The following SRGAP3 variants were observed in gnomAD, a reference collection of about 807,000 sequenced individuals.
SRGAP3 encodes the protein SLIT-ROBO Rho GTPase activating protein 3.
In SRGAP3, 39 loss-of-function variants were observed where a neutral mutation model predicts 121.1. The observed-to-expected ratio is 0.32, with a 90% CI of 0.25 to 0.42. SRGAP3 has a LOEUF of 0.42. SRGAP3 is among the 10% of genes least tolerant of loss of function. The pLI is 1.00. For missense variants in SRGAP3, 1,213 were observed against 1,470.6 expected (o/e 0.82, Z 2.86); for synonymous variants, 601 against 570.0 (o/e 1.05, Z -0.77).
chr3:9,359,221 C>A (rs545246437), intron 1 of SRGAP3, among the ~76,000 whole-genome samples: 2 of 152,288 alleles, frequency 1.3e-5, no homozygotes, highest in East Asian at 3.9e-4. Flanking sequence ...AGGGTCCGTT[C>A]AGGTACATTC....
intron 3 of SRGAP3, among the ~76,000 whole-genome samples, chr3:9,266,346 A>C (rs550227008): frequency 6.6e-6 from 1 of 152,102 alleles, no homozygotes; most frequent in African/African-American, 2.4e-5. Flanking sequence ...TGTTCTGCAC[A>C]TGTATCCCAG....
At chr3:9,303,408 G>C (rs1030767132) in intron 3 of SRGAP3, among the ~76,000 whole-genome samples, 1 of 148,648 alleles carries the variant, frequency 6.7e-6, no homozygotes, top group Non-Finnish European at 1.5e-5. Context: ...CTGGGCGACA[G>C]AGTGAGACTC....
Position 9,104,671 on chromosome 3 carries a change from C to T in SRGAP3, c.423+9G>A. 2 of 1,614,076 alleles carry T rather than the reference C, an allele frequency of 1.2e-6. No homozygotes were observed. The highest frequency in any genetic ancestry group is 2.2e-5 in the South Asian group (2 of 91,056). ...GACCTGGGACACGTAGAGCAGCCCA[C>T]TTGCCTACCTTTTTGAAGAGTCTGA... On this transcript the variant is annotated intron_variant, in intron 3 of 21. Coordinates refer to ENST00000383836, the MANE Select transcript of SRGAP3 (RefSeq NM_014850.4).
Position 8,984,279 on chromosome 3 carries a change from C to T in SRGAP3, c.*1240G>A, listed in dbSNP as rs1941565555. On this transcript the variant is annotated 3_prime_UTR_variant, in exon 22 of 22. Transcript: ENST00000383836. ...AGTGCCAAGGACTGCCCCTCCCTGGCCCCAGTCTGAACTGGGCGCTCACGG... is the reference window on the plus strand; with the variant it reads ...AGTGCCAAGGACTGCCCCTCCCTGGTCCCAGTCTGAACTGGGCGCTCACGG... 1 of 230,046 alleles carries T rather than the reference C, an allele frequency of 4.3e-6. No homozygotes were observed. Among genetic ancestry groups the T allele is most frequent in the Non-Finnish European group, 8.6e-6 (1 of 116,020 alleles). The allele number at this position is 230,046 out of a possible 1,614,324, so 14.3% of individuals were successfully genotyped here.
chr3:9,098,034 T>C (rs992951315), intron 3 of SRGAP3, among the ~76,000 whole-genome samples: 3 of 152,176 alleles, frequency 2.0e-5, no homozygotes, highest in African/African-American at 7.2e-5. Context: ...ACCCTGGTGA[T>C]AGATCCTAAT....
At chr3:9,241,441 T>C (rs1357977675) in intron 1 of SRGAP3, among the ~76,000 whole-genome samples, 1 of 152,322 alleles carries the variant, frequency 6.6e-6, no homozygotes, top group Admixed American at 6.5e-5. Flanking sequence ...GGGAGGGGCC[T>C]GGAAGGAAGT....
At chr3:9,049,532 C>T (rs1433726481) in intron 9 of SRGAP3, 1 of 455,586 alleles carries the variant, frequency 2.2e-6, no homozygotes, top group Non-Finnish European at 4.4e-6. Flanking sequence ...GGGCAGATTA[C>T]CGAGCATTTC....
chr3:9,188,766 C>T lies in SRGAP3; in HGVS notation c.67+60119G>A, dbSNP rs1385261868. 1.1e-4 allele frequency among the ~76,000 whole-genome samples: 17 copies of T among 152,186 alleles called. 1 individual carries two copies. The East Asian group carries it at 3.1e-3, about 28-fold the overall frequency. On this transcript the variant is annotated intron_variant, in intron 1 of 21. Coordinates refer to ENST00000383836, the MANE Select transcript of SRGAP3 (RefSeq NM_014850.4). The stretch of plus-strand genomic sequence containing the variant: ...AGCAATCTAAATTAATGCGAACCCA[C>T]AAAGGGCAAGGCTCTCTGTGAATAA...
At chr3:9,045,034 A>G (rs1259849073) in intron 10 of SRGAP3, among the ~76,000 whole-genome samples, 1 of 152,350 alleles carries the variant, frequency 6.6e-6, no homozygotes, top group Non-Finnish European at 1.5e-5. Flanking sequence ...ACTTCAGTTA[A>G]TAATAATGTA....
chr3:9,042,765 C>T (rs1488563906), intron 10 of SRGAP3, among the ~76,000 whole-genome samples: 1 of 152,124 alleles, frequency 6.6e-6, no homozygotes, highest in African/African-American at 2.4e-5. Flanking sequence ...TGATGGCAGC[C>T]CATGAAAGTG....
At chr3:9,101,869 G>A (rs189719551) in intron 3 of SRGAP3, among the ~76,000 whole-genome samples, 64 of 150,864 alleles carry the variant, frequency 4.2e-4, no homozygotes, top group African/African-American at 1.5e-3. Flanking sequence ...CTTAAAGCAA[G>A]GGCCACGTGC....
chr3:8,992,833 C>T, intron 20 of SRGAP3, 73 bp downstream of exon 20: 1 of 1,612,802 alleles, frequency 6.2e-7, no homozygotes, highest in Non-Finnish European at 8.5e-7. Context: ...TCCTCTCTGC[C>T]CTTGTGCTTC....
intron 2 of SRGAP3, among the ~76,000 whole-genome samples, chr3:9,326,907 C>T (rs114484365): frequency 0.017 from 2,545 of 151,894 alleles, 56 homozygotes; most frequent in Non-Finnish European, 0.025. Flanking sequence ...ACAGAGGAGA[C>T]TCAGCTCTCC....
At chr3:8,991,922 G>T (rs1026783724) in intron 20 of SRGAP3, among the ~76,000 whole-genome samples, 2 of 152,126 alleles carry the variant, frequency 1.3e-5, no homozygotes, top group African/African-American at 4.8e-5. Context: ...TGAGGGCGGG[G>T]GACAAGGGAG....
At chr3:9,255,905 G>T (rs537069304) in intron 3 of SRGAP3, among the ~76,000 whole-genome samples, 62 of 152,174 alleles carry the variant, frequency 4.1e-4, no homozygotes, top group African/African-American at 1.4e-3. Flanking sequence ...TTTTACAGTT[G>T]AGCAAATGAA....
At chr3:9,212,992 T>TC (rs141294540) in intron 1 of SRGAP3, among the ~76,000 whole-genome samples, 1 of 152,096 alleles carries the variant, frequency 6.6e-6, no homozygotes, top group Non-Finnish European at 1.5e-5. Context: ...GATTCCCATT[T>TC]CCCCCTGCTG....
intron 3 of SRGAP3, among the ~76,000 whole-genome samples, chr3:9,314,026 G>T (rs1955300084): frequency 6.6e-6 from 1 of 152,206 alleles, no homozygotes; most frequent in Non-Finnish European, 1.5e-5. Flanking sequence ...AATTTATTTT[G>T]TTTTTTGTAT....
At chr3:9,200,723 G>A (rs1357984226) in intron 1 of SRGAP3, among the ~76,000 whole-genome samples, 2 of 152,172 alleles carry the variant, frequency 1.3e-5, no homozygotes, top group African/African-American at 4.8e-5. Context: ...GAATTGTTCT[G>A]CGCAGTCCAA....
chr3:8,998,554 A>G (rs1400803759), intron 18 of SRGAP3, among the ~76,000 whole-genome samples: 2 of 47,656 alleles, frequency 4.2e-5, no homozygotes, highest in Non-Finnish European at 8.0e-5. Flanking sequence ...GTATATATAT[A>G]CTATATATAT....
Sources: allele counts gnomAD v4.1 joint callset (sites outside exome capture counted in the v4.1 genomes callset), GRCh38; gene constraint gnomAD v4.1.1; transcripts MANE v1.5; gene names NCBI Gene and HGNC (gene_info 2026-07-23, HGNC 2026-07-21).